Variants in SETBP1 observed in about 807,000 individuals in gnomAD.
SETBP1 encodes SET-binding protein.
A neutral mutation model predicts 101.0 loss-of-function variants in SETBP1; 9 were observed. The observed-to-expected ratio is 0.09, with a 90% CI of 0.05 to 0.16. SETBP1 has a LOEUF of 0.16. Ranked by LOEUF, SETBP1 falls within the 10% of genes least tolerant of loss-of-function variation. The probability of loss-of-function intolerance (pLI) is 1.00; values close to 1 mark genes in which losing one functional copy is unlikely to be tolerated. For missense variants in SETBP1, 1,858 were observed against 2,033.8 expected (o/e 0.91, Z 1.66); for synonymous variants, 818 against 788.5 (o/e 1.04, Z -0.63).
chr18:44,721,137 A>G (rs1022312479), intron 2 of SETBP1, among the ~76,000 whole-genome samples: 1 of 152,146 alleles, frequency 6.6e-6, no homozygotes, highest in Non-Finnish European at 1.5e-5. Context: ...TAAGGTCTCT[A>G]TTCTTGTGAC....
At chr18:44,783,848 T>C (rs968525534) in intron 2 of SETBP1, among the ~76,000 whole-genome samples, 6 of 152,228 alleles carry the variant, frequency 3.9e-5, no homozygotes, top group Non-Finnish European at 7.3e-5. Flanking sequence ...CAAATTCTTA[T>C]CTCCATGGTG....
intron 2 of SETBP1, among the ~76,000 whole-genome samples, chr18:44,737,945 A>G (rs1484637338): frequency 1.3e-5 from 2 of 152,202 alleles, no homozygotes; most frequent in African/African-American, 4.8e-5. Context: ...CCATGTCACT[A>G]TTTTGATAGC....
intron 5 of SETBP1, 35 bp from the exon 6 acceptor site, chr18:45,063,044 C>T: frequency 3.1e-6 from 5 of 1,612,692 alleles, no homozygotes; most frequent in African/African-American, 1.3e-5. Flanking sequence ...ACCTTGCATC[C>T]TGTGCTCAAT....
intron 4 of SETBP1, among the ~76,000 whole-genome samples, chr18:45,007,803 CT>C (rs1275114514): frequency 9.9e-5 from 15 of 152,166 alleles, no homozygotes; most frequent in Non-Finnish European, 1.6e-4. Flanking sequence ...ATGCAGTAAC[CT>C]TTGAAGCTAT....
intron 1 of SETBP1, among the ~76,000 whole-genome samples, chr18:44,694,667 G>A (rs1038212163): frequency 8.5e-5 from 13 of 152,300 alleles, no homozygotes; most frequent in Admixed American, 4.6e-4. Context: ...GGAGTAGCTC[G>A]AAGAGGAGGA....
rs549692690 is a variant in SETBP1, at chr18:44,976,176, G to T, written c.4000+22836G>T. Among the ~76,000 whole-genome samples the T allele has an allele frequency of 1.8e-4, 27 of 151,432 alleles. No homozygotes were observed. In the South Asian group the frequency reaches 4.8e-3, roughly 27 times the overall value. On this transcript the variant is annotated intron_variant, in intron 4 of 5. Transcript: ENST00000649279. ...TCTCAACAGTATTAAGTCCCCTTTTGCACAAGGCCCAGGAAATGTGCTGGA... is the reference window on the plus strand; with the variant it reads ...TCTCAACAGTATTAAGTCCCCTTTTTCACAAGGCCCAGGAAATGTGCTGGA...
intron 2 of SETBP1, among the ~76,000 whole-genome samples, chr18:44,856,724 T>C (rs1178913197): frequency 6.6e-6 from 1 of 152,232 alleles, no homozygotes; most frequent in Non-Finnish European, 1.5e-5. Context: ...GTGTTTGTTA[T>C]AGTTGGAGTG....
intron 3 of SETBP1, among the ~76,000 whole-genome samples, chr18:44,921,827 A>G (rs1461729634): frequency 6.6e-6 from 1 of 152,156 alleles, no homozygotes; most frequent in African/African-American, 2.4e-5. Context: ...AGGAGGGGGC[A>G]TCAGAGATGG....
intron 2 of SETBP1, among the ~76,000 whole-genome samples, chr18:44,760,050 T>C (rs2070604039): frequency 6.6e-6 from 1 of 152,162 alleles, no homozygotes; most frequent in Non-Finnish European, 1.5e-5. Flanking sequence ...TCAGGAGTTG[T>C]GGTGGTGGAG....
At chr18:44,824,942 C>T (rs1453609195) in intron 2 of SETBP1, among the ~76,000 whole-genome samples, 3 of 152,250 alleles carry the variant, frequency 2.0e-5, no homozygotes, top group Non-Finnish European at 4.4e-5. Context: ...GACTGCTCCT[C>T]TCCTGCTCTT....
chr18:44,721,007 A>G (rs986222499), intron 2 of SETBP1, among the ~76,000 whole-genome samples: 14 of 148,654 alleles, frequency 9.4e-5, no homozygotes, highest in Admixed American at 4.8e-4. Context: ...GAGTGAGCCC[A>G]GAGACTGGCT....
intron 4 of SETBP1, among the ~76,000 whole-genome samples, chr18:45,029,382 G>T (rs1459490916): frequency 1.3e-5 from 2 of 151,800 alleles, no homozygotes; most frequent in African/African-American, 4.8e-5. Context: ...TCTCTGTTTT[G>T]GTACCAGTAC....
intron 4 of SETBP1, among the ~76,000 whole-genome samples, chr18:44,975,037 G>A (rs1040222760): frequency 6.6e-6 from 1 of 152,066 alleles, no homozygotes; most frequent in African/African-American, 2.4e-5. Flanking sequence ...TTCTATACAC[G>A]TGGCCCTCTT....
chr18:44,975,078 G>A (rs1048789259), intron 4 of SETBP1, among the ~76,000 whole-genome samples: 1 of 152,202 alleles, frequency 6.6e-6, no homozygotes, highest in African/African-American at 2.4e-5. Flanking sequence ...GTAAAGATCA[G>A]TAAGGGGTAC....
At chr18:44,690,475 A>G (rs143066362) in intron 1 of SETBP1, among the ~76,000 whole-genome samples, 5 of 152,350 alleles carry the variant, frequency 3.3e-5, no homozygotes, top group South Asian at 2.1e-4. Context: ...GAACTTTGAA[A>G]GACTTTATTA....
At chr18:44,790,577 T>G (rs904336210) in intron 2 of SETBP1, among the ~76,000 whole-genome samples, 1 of 152,226 alleles carries the variant, frequency 6.6e-6, no homozygotes, top group Non-Finnish European at 1.5e-5. Context: ...AAAACTTCAC[T>G]GTGCTTTTTC....
At chr18:44,897,232 GC>G (rs2069927200) in intron 3 of SETBP1, among the ~76,000 whole-genome samples, 1 of 152,160 alleles carries the variant, frequency 6.6e-6, no homozygotes, top group South Asian at 2.1e-4. Flanking sequence ...ACAGTCTGTG[GC>G]CACATAACTC....
At chr18:44,969,129 A>T (rs566836958) in intron 4 of SETBP1, among the ~76,000 whole-genome samples, 1 of 152,264 alleles carries the variant, frequency 6.6e-6, no homozygotes, top group East Asian at 1.9e-4. Flanking sequence ...TATCCACTGA[A>T]ATTCTTTCTC....
At chr18:44,766,776 T>G (rs1177242993) in intron 2 of SETBP1, among the ~76,000 whole-genome samples, 4 of 152,156 alleles carry the variant, frequency 2.6e-5, no homozygotes, top group Non-Finnish European at 5.9e-5. Flanking sequence ...GTTCAAGGCC[T>G]GCCAAGGCAA....
Sources: allele counts gnomAD v4.1 joint callset (sites outside exome capture counted in the v4.1 genomes callset), GRCh38; gene constraint gnomAD v4.1.1; transcripts MANE v1.5; gene names NCBI Gene and HGNC (gene_info 2026-07-23, HGNC 2026-07-21).